Variants in PDE4D observed in about 807,000 individuals in gnomAD.
PDE4D encodes the protein 3',5'-cyclic-AMP phosphodiesterase 4D.
PDE4D carries 24 observed loss-of-function variants against 87.4 expected under a neutral mutation model. The ratio of observed to expected loss-of-function variants is 0.27; its 90% CI spans 0.20 to 0.39. The LOEUF (loss-of-function observed/expected upper bound fraction) is 0.39. PDE4D is among the 10% of genes least tolerant of loss of function. The pLI is 1.00. For missense variants in PDE4D, 714 were observed against 1,041.0 expected, an observed-to-expected ratio of 0.69 and a Z score of 4.32; for synonymous variants, 384 against 383.2, an observed-to-expected ratio of 1.00 and a Z score of -0.02.
chr5:59,438,198 G>A (rs540568428), intron 1 of PDE4D, among the ~76,000 whole-genome samples: 1 of 152,182 alleles, frequency 6.6e-6, no homozygotes, highest in Non-Finnish European at 1.5e-5. Context: ...TTCAAGATGA[G>A]ATATGGGTGG....
intron 1 of PDE4D, among the ~76,000 whole-genome samples, chr5:59,341,637 C>T (rs1778745634): frequency 6.6e-6 from 1 of 152,146 alleles, no homozygotes; most frequent in Non-Finnish European, 1.5e-5. Context: ...TATGCAAACA[C>T]ACACATAATA....
At chr5:59,482,050 A>T (rs1031101361) in intron 1 of PDE4D, among the ~76,000 whole-genome samples, 1 of 151,542 alleles carries the variant, frequency 6.6e-6, no homozygotes, top group African/African-American at 2.4e-5. Flanking sequence ...GAAAAATAAT[A>T]AAAAAAAATT....
At chr5:60,498,107 A>G (rs541178836) in intron 1 of PDE4D, among the ~76,000 whole-genome samples, 2 of 152,272 alleles carry the variant, frequency 1.3e-5, no homozygotes, top group East Asian at 3.9e-4. Context: ...GATAACAGAA[A>G]GAAGGCAAGA....
In PDE4D at chr5:60,078,669, G is replaced by A. The variant is rs1368723497; in HGVS notation, c.43-89952C>T. ...TTTCTGTTCCAGTGTTAGTTTCTGA[G>A]GATGATGGCTTCCAGCTTCATCCAT... On this transcript the variant is annotated intron_variant, in intron 2 of 16. Transcript: ENST00000502484. Among the ~76,000 whole-genome samples the A allele has an allele frequency of 3.3e-5, 5 of 152,250 alleles. No homozygotes were observed. The East Asian group carries it at 5.8e-4, about 18-fold the overall frequency.
rs908759173 is a variant in PDE4D at position 59,490,115 on chromosome 5, T to C, written c.456-274147A>G. On this transcript the variant is annotated intron_variant, in intron 1 of 14. Transcript: ENST00000340635. Reference sequence around the variant, plus strand: ...CTCTCATATGGCTACAAAGATGAGATACCCTTACAATTATCTCATTTTACA... The same window carrying C: ...CTCTCATATGGCTACAAAGATGAGACACCCTTACAATTATCTCATTTTACA... Among the ~76,000 whole-genome samples the C allele has an allele frequency of 5.3e-5, 8 of 152,310 alleles. No homozygotes were observed. The East Asian group carries it at 5.8e-4, about 11-fold the overall frequency.
intron 2 of PDE4D, among the ~76,000 whole-genome samples, chr5:60,008,242 C>T (rs1489711602): frequency 6.6e-6 from 1 of 151,856 alleles, no homozygotes; most frequent in African/African-American, 2.4e-5. Context: ...TTTTATCCCC[C>T]CGGGTGTTAG....
chr5:60,040,891 T>C (rs1768400820), intron 2 of PDE4D, among the ~76,000 whole-genome samples: 1 of 152,204 alleles, frequency 6.6e-6, no homozygotes, highest in Admixed American at 6.5e-5. Context: ...TTATTTACAA[T>C]TAAGTGAGCC....
At chr5:59,039,050 T>C in intron 5 of PDE4D, 79 bp from the exon 6 acceptor site, 1 of 1,520,372 alleles carries the variant, frequency 6.6e-7, no homozygotes, top group East Asian at 2.5e-5. Flanking sequence ...GGGGCCATCC[T>C]GCCATACCCC....
chr5:59,231,934 C>G (rs1255570344), intron 1 of PDE4D, among the ~76,000 whole-genome samples: 2 of 152,186 alleles, frequency 1.3e-5, no homozygotes, highest in Non-Finnish European at 2.9e-5. Context: ...GAAAGCCAGT[C>G]TGGTTCTGTT....
intron 5 of PDE4D, 155 bp downstream of exon 5, chr5:59,180,440 T>C (rs1198268109): frequency 1.4e-6 from 1 of 736,428 alleles, no homozygotes; most frequent in Admixed American, 2.1e-5. Context: ...TTAGACAATT[T>C]GTGAGATCAA....
chr5:59,530,303 C>T (rs1310236401), intron 1 of PDE4D, among the ~76,000 whole-genome samples: 1 of 151,938 alleles, frequency 6.6e-6, no homozygotes, highest in Non-Finnish European at 1.5e-5. Flanking sequence ...GTTTTTTCCC[C>T]CAGGTACTTA....
At chr5:60,356,184 A>G (rs1291681192) in intron 1 of PDE4D, among the ~76,000 whole-genome samples, 2 of 152,098 alleles carry the variant, frequency 1.3e-5, no homozygotes, top group Admixed American at 1.3e-4. Context: ...CCTTTTATCA[A>G]TCCCCAGGAA....
At chr5:60,021,163 C>A in intron 2 of PDE4D, 1 of 152,204 alleles carries the variant, frequency 6.6e-6, no homozygotes, top group Non-Finnish European at 1.5e-5. Flanking sequence ...TAAAAGTTAG[C>A]CCTCCTACAC....
At chr5:60,154,715 A>G (rs1053762547) in intron 2 of PDE4D, among the ~76,000 whole-genome samples, 8 of 152,192 alleles carry the variant, frequency 5.3e-5, no homozygotes, top group East Asian at 3.8e-4. Context: ...GAAGTCCCCT[A>G]TGTGCCCTCT....
At chr5:59,786,476 G>C (rs956416487) in intron 1 of PDE4D, among the ~76,000 whole-genome samples, 3 of 152,208 alleles carry the variant, frequency 2.0e-5, no homozygotes, top group Admixed American at 2.0e-4. Context: ...TGAAGCATGT[G>C]GGTTCCAGGC....
intron 1 of PDE4D, among the ~76,000 whole-genome samples, chr5:59,764,418 A>C (rs995969589): frequency 9.8e-5 from 15 of 152,312 alleles, no homozygotes; most frequent in Admixed American, 3.3e-4. Context: ...GCACACGTTA[A>C]GTAACTTGAC....
intron 1 of PDE4D, among the ~76,000 whole-genome samples, chr5:59,498,885 A>G (rs894392755): frequency 2.0e-5 from 3 of 152,090 alleles, no homozygotes; most frequent in Non-Finnish European, 4.4e-5. Flanking sequence ...CTAACAAAAA[A>G]TTTTGTATTT....
At chr5:60,282,208 CATATATAT>C (rs140298004) in intron 1 of PDE4D, among the ~76,000 whole-genome samples, 5,614 of 128,356 alleles carry the variant, frequency 0.044, 382 homozygotes, top group African/African-American at 0.15. Context: ...GAGAAATAAA[CATATATAT>C]ATATATATAT....
chr5:59,586,647 T>A (rs941119246), intron 1 of PDE4D: 4 of 1,184,280 alleles, frequency 3.4e-6, no homozygotes, highest in Non-Finnish European at 4.2e-6. Context: ...GTCAACATAC[T>A]AAAATAACCA....
Sources: gnomAD v4.1 joint callset for allele counts (sites outside exome capture counted in the v4.1 genomes callset) on GRCh38, gnomAD v4.1.1 for gene constraint, MANE v1.5 for transcripts, NCBI Gene and HGNC (gene_info 2026-07-23, HGNC 2026-07-21) for gene names.